GLE1: variants seen among roughly 807,000 people sequenced by gnomAD.
GLE1 encodes the protein mRNA export factor GLE1.
GLE1 carries 78 observed loss-of-function variants against 97.3 expected under a neutral mutation model. The observed-to-expected ratio is 0.80, with a 90% confidence interval of 0.67 to 0.97. The LOEUF (loss-of-function observed/expected upper bound fraction) is 0.97, where lower values mean the gene tolerates loss of function less well. Among genes scored for constraint, GLE1 ranks in the 50% least tolerant of loss-of-function variants. The pLI is 0.00. For missense variants in GLE1, 753 were observed against 857.5 expected, an observed-to-expected ratio of 0.88 and a Z score of 1.52; for synonymous variants, 302 against 313.4, an observed-to-expected ratio of 0.96 and a Z score of 0.39.
chr9:128,518,732 G>C (rs1399576490), intron 3 of GLE1, among the ~76,000 whole-genome samples: 1 of 151,950 alleles, frequency 6.6e-6, no homozygotes. Flanking sequence ...GCCAGGCATG[G>C]TGGCAGGCAC....
At chr9:128,507,660 G>A (rs1589039636) in intron 1 of GLE1, among the ~76,000 whole-genome samples, 1 of 151,984 alleles carries the variant, frequency 6.6e-6, no homozygotes, top group East Asian at 1.9e-4. Context: ...GGCTGAGGTG[G>A]GTGGATCACC....
intron 9 of GLE1, among the ~76,000 whole-genome samples, chr9:128,530,930 C>T (rs375191330): frequency 2.0e-5 from 3 of 150,568 alleles, no homozygotes; most frequent in East Asian, 2.0e-4. Context: ...AAAGGTGGGC[C>T]GGGCACAGTG....
intron 13 of GLE1, 38 bp downstream of exon 13, chr9:128,538,128 G>C: frequency 8.9e-7 from 1 of 1,124,112 alleles, no homozygotes; most frequent in Non-Finnish European, 1.4e-6. Flanking sequence ...AAGGCCAGTG[G>C]TTGAGGTAGC....
At chr9:128,519,885 G>A (rs1847090227) in intron 3 of GLE1, among the ~76,000 whole-genome samples, 1 of 152,006 alleles carries the variant, frequency 6.6e-6, no homozygotes, top group African/African-American at 2.4e-5. Context: ...TCTCTCTTTT[G>A]TACTCTGTCC....
intron 3 of GLE1, among the ~76,000 whole-genome samples, chr9:128,522,144 C>T (rs952501130): frequency 2.0e-5 from 3 of 152,160 alleles, no homozygotes; most frequent in Admixed American, 6.5e-5. Flanking sequence ...AATTCCTGTC[C>T]GTTCCCAACT....
chr9:128,506,850 A>G (rs1052052116), intron 1 of GLE1, among the ~76,000 whole-genome samples: 17 of 152,188 alleles, frequency 1.1e-4, no homozygotes, highest in Admixed American at 8.5e-4. Flanking sequence ...TACCCCATCC[A>G]TGTTTGTAAA....
At chr9:128,526,814 C>T (rs980457431) in intron 7 of GLE1, among the ~76,000 whole-genome samples, 1 of 152,036 alleles carries the variant, frequency 6.6e-6, no homozygotes, top group Admixed American at 6.6e-5. Context: ...GGACTACAGG[C>T]ATGCGCCACC....
intron 2 of GLE1, among the ~76,000 whole-genome samples, chr9:128,511,662 C>A (rs939556897): frequency 6.7e-6 from 1 of 149,944 alleles, no homozygotes; most frequent in Admixed American, 6.7e-5. Flanking sequence ...GCTGAGATTG[C>A]GCCACTGCAC....
At chr9:128,517,361 T>C (rs1044625428) in intron 3 of GLE1, among the ~76,000 whole-genome samples, 6 of 152,140 alleles carry the variant, frequency 3.9e-5, no homozygotes, top group African/African-American at 1.4e-4. Context: ...TCAATAAATA[T>C]TTGCTGAGCA....
At chr9:128,509,166 A>G in intron 2 of GLE1, 69 bp downstream of exon 2, 1 of 922,912 alleles carries the variant, frequency 1.1e-6, no homozygotes, top group East Asian at 2.4e-5. Context: ...ATATTGTCAT[A>G]TGACAGTGAC....
intron 3 of GLE1, among the ~76,000 whole-genome samples, chr9:128,519,472 G>A (rs898808051): frequency 4.6e-5 from 7 of 152,168 alleles, no homozygotes; most frequent in African/African-American, 1.7e-4. Flanking sequence ...TCTGTAGACT[G>A]TAGGGGTGAC....
At chr9:128,509,830 G>A (rs1002329303) in intron 2 of GLE1, among the ~76,000 whole-genome samples, 6 of 151,652 alleles carry the variant, frequency 4.0e-5, no homozygotes, top group African/African-American at 7.3e-5. Context: ...ATGGTGGCTC[G>A]AGCTTGTTGT....
chr9:128,536,323 C>G (rs1305102500), intron 11 of GLE1, 32 bp from the exon 12 acceptor site: 2 of 1,605,630 alleles, frequency 1.2e-6, no homozygotes, highest in East Asian at 2.3e-5. Flanking sequence ...CGTGAGCCAC[C>G]ACACCCGGCC....
At chr9:128,507,013 T>C (rs1035583276) in intron 1 of GLE1, among the ~76,000 whole-genome samples, 1 of 152,194 alleles carries the variant, frequency 6.6e-6, no homozygotes, top group Non-Finnish European at 1.5e-5. Flanking sequence ...GTACTTATTT[T>C]CTCATACAAA....
intron 9 of GLE1, 65 bp downstream of exon 9, chr9:128,527,590 T>C: frequency 1.1e-6 from 1 of 948,622 alleles, no homozygotes. Context: ...ACTCCAAATC[T>C]ATGTATCTGT....
At chr9:128,513,796 C>T (rs1025216358) in intron 2 of GLE1, among the ~76,000 whole-genome samples, 1 of 151,392 alleles carries the variant, frequency 6.6e-6, no homozygotes, top group Non-Finnish European at 1.5e-5. Flanking sequence ...GCGGGTGGAT[C>T]ACGAGGTCAA....
intron 3 of GLE1, among the ~76,000 whole-genome samples, chr9:128,520,342 ATGTGTATATATGTATG>A (rs1425852046): frequency 4.0e-5 from 6 of 148,258 alleles, no homozygotes; most frequent in Admixed American, 1.4e-4. Flanking sequence ...ATATGTGTAT[ATGTGTATATATGTATG>A]TGTGTATATA....
intron 2 of GLE1, among the ~76,000 whole-genome samples, chr9:128,510,434 G>A (rs1443346684): frequency 1.3e-5 from 2 of 151,362 alleles, no homozygotes; most frequent in South Asian, 2.1e-4. Context: ...TCACCATATT[G>A]GCCTGGCTGT....
At chr9:128,536,535 T>C (rs779546677) in intron 12 of GLE1, 51 bp downstream of exon 12, 17 of 1,490,998 alleles carry the variant, frequency 1.1e-5, no homozygotes, top group Non-Finnish European at 1.5e-5. Flanking sequence ...CCACAGTCCA[T>C]GTGTATTCCT....
Sources: allele counts gnomAD v4.1 joint callset (sites outside exome capture counted in the v4.1 genomes callset), GRCh38; gene constraint gnomAD v4.1.1; transcripts MANE v1.5; gene names NCBI Gene and HGNC (gene_info 2026-07-23, HGNC 2026-07-21).